Variants in SF3B3 observed in about 807,000 individuals in gnomAD.
SF3B3 encodes SAP 130.
In SF3B3, 33 loss-of-function variants were observed where a neutral mutation model predicts 139.2. The observed-to-expected ratio is 0.24, with a 90% CI of 0.18 to 0.32. The LOEUF is 0.32. Ranked by LOEUF, SF3B3 falls within the 10% of genes least tolerant of loss-of-function variation. SF3B3 has a pLI of 1.00. For missense variants in SF3B3, 818 were observed against 1,509.4 expected (o/e 0.54, Z 7.59); for synonymous variants, 596 against 563.6 (o/e 1.06, Z -0.81).
rs573483470 is a variant in SF3B3, at chr16:70,556,250, T to C, written c.1782T>C (p.Asn594=). 8.1e-6 allele frequency: 13 copies of C among 1,614,168 alleles called. No individual in the cohort carries two copies. The highest frequency in any genetic ancestry group is 6.6e-5 in the South Asian group (6 of 91,084). ...SADVVCMSLA[N]VPPGEQRSRF... is the part of the protein sequence containing the mutation. ...ATGTGGTGTGCATGAGTCTGGCCAATGTACCCCCTGGAGAGCAGCGGTCTC... is the reference window on the plus strand; with the variant it reads ...ATGTGGTGTGCATGAGTCTGGCCAACGTACCCCCTGGAGAGCAGCGGTCTC... Residue 594 remains asparagine (N), a synonymous_variant, in exon 14 of 26, where the codon AAT becomes AAC. Coordinates refer to ENST00000302516, the MANE Select transcript of SF3B3 (RefSeq NM_012426.5).
At chr16:70,547,773 G>T (rs2050282841) in intron 10 of SF3B3, among the ~76,000 whole-genome samples, 1 of 152,072 alleles carries the variant, frequency 6.6e-6, no homozygotes, top group Non-Finnish European at 1.5e-5. Context: ...TTATATTTTT[G>T]CAGAGACGGG....
intron 8 of SF3B3, among the ~76,000 whole-genome samples, chr16:70,540,207 C>A (rs1174099814): frequency 6.6e-6 from 1 of 150,598 alleles, no homozygotes; most frequent in East Asian, 2.1e-4. Context: ...CCAGCCTGAC[C>A]AACATGGAGA....
At chr16:70,550,663 G>T (rs2050315566) in intron 11 of SF3B3, 1 of 985,598 alleles carries the variant, frequency 1.0e-6, no homozygotes, top group East Asian at 1.1e-4. Context: ...GCTGGTGAAG[G>T]TGCTGATCAC....
chr16:70,558,602 A>T (rs1326203355), intron 15 of SF3B3, among the ~76,000 whole-genome samples: 1 of 152,116 alleles, frequency 6.6e-6, no homozygotes, highest in African/African-American at 2.4e-5. Context: ...TATTTAAAAA[A>T]AATTTCTTCC....
chr16:70,543,243 A>G (rs1230717875), intron 9 of SF3B3, among the ~76,000 whole-genome samples: 3 of 151,144 alleles, frequency 2.0e-5, no homozygotes, highest in Non-Finnish European at 2.9e-5. Context: ...CCCTGTCTCT[A>G]CTAAAAGAAA....
At chr16:70,569,631 A>C (rs2050509592) in intron 23 of SF3B3, among the ~76,000 whole-genome samples, 1 of 152,062 alleles carries the variant, frequency 6.6e-6, no homozygotes, top group Admixed American at 6.6e-5. Context: ...TAATTTTTGG[A>C]TTTATTGTTT....
Position 70,572,032 on chromosome 16 carries a change from A to C in SF3B3, c.*219A>C. On this transcript the variant is annotated 3_prime_UTR_variant, in exon 26 of 26. Coordinates refer to ENST00000302516, the MANE Select transcript of SF3B3 (RefSeq NM_012426.5). ...TGCTACACTTCTCCCCACCTGGTAC[A>C]TGATACATGACCCCAGGTTCCAGTG... The C allele has an allele frequency of 1.5e-6, 1 of 674,038 alleles. No homozygotes were observed. Among genetic ancestry groups the C allele is most frequent in the South Asian group, 1.5e-5 (1 of 65,384 alleles). The allele number at this position is 674,038 out of a possible 1,614,324, so 41.8% of individuals were successfully genotyped here. A position where few individuals can be genotyped will look rare whatever the true frequency, so the allele number is the denominator to read the frequency against.
chr16:70,527,213 G>C (rs1485071271), intron 2 of SF3B3, among the ~76,000 whole-genome samples: 2 of 152,232 alleles, frequency 1.3e-5, no homozygotes, highest in African/African-American at 4.8e-5. Context: ...CATAGAAACA[G>C]ATAATTTGCT....
chr16:70,525,573 C>A (rs769325118), intron 1 of SF3B3, among the ~76,000 whole-genome samples: 3 of 152,168 alleles, frequency 2.0e-5, no homozygotes, highest in African/African-American at 4.8e-5. Context: ...CTCCTAGCTT[C>A]CTCTCTTTTG....
At position 70,528,966 on chromosome 16, in the gene SF3B3, C is replaced by T. The variant is rs2050093880; in HGVS notation, c.164C>T (p.Thr55Ile). The T allele has an allele frequency of 6.2e-7, 1 of 1,613,980 alleles. No homozygotes were observed. The highest frequency in any genetic ancestry group is 8.5e-7 in the Non-Finnish European group (1 of 1,179,956). Reference protein sequence around the residue: ...PNTGKVHTLLTVEVFGVIRSL... With the variant: ...PNTGKVHTLLIVEVFGVIRSL... ...ACTGGCAAAGTACATACCCTACTCA[C>T]TGTGGAAGTATTCGGTGTTATCCGG... Residue 55 changes from threonine (T) to isoleucine (I), a missense_variant, in exon 3 of 26, where the codon ACT becomes ATT. Around this residue, in one of 14 missense-constraint regions of SF3B3, gnomAD observed 144 missense variants for 259.2 expected, o/e 0.56. Coordinates refer to ENST00000302516, the MANE Select transcript of SF3B3 (RefSeq NM_012426.5).
chr16:70,549,616 TAAAC>T (rs913221708), intron 11 of SF3B3, among the ~76,000 whole-genome samples: 1 of 152,226 alleles, frequency 6.6e-6, no homozygotes, highest in Non-Finnish European at 1.5e-5. Context: ...ACTTTTTAAA[TAAAC>T]TTTTTATTTT....
At chr16:70,562,624 T>A (rs1363041066) in intron 17 of SF3B3, among the ~76,000 whole-genome samples, 1 of 152,192 alleles carries the variant, frequency 6.6e-6, no homozygotes, top group Admixed American at 6.5e-5. Flanking sequence ...AGTGTTCCCC[T>A]TGTCTTTTAA....
At chr16:70,533,775 G>A (rs1051046461) in intron 5 of SF3B3, among the ~76,000 whole-genome samples, 4 of 152,260 alleles carry the variant, frequency 2.6e-5, no homozygotes, top group Middle Eastern at 3.4e-3. Context: ...GGAAGATACT[G>A]GAGAATAAAA....
intron 13 of SF3B3, among the ~76,000 whole-genome samples, chr16:70,555,625 C>G (rs961261228): frequency 5.9e-5 from 9 of 152,194 alleles, no homozygotes; most frequent in African/African-American, 2.2e-4. Flanking sequence ...AACACTTGCT[C>G]CTCCTGCATT....
chr16:70,538,642 A>G (rs1426605323), intron 7 of SF3B3, among the ~76,000 whole-genome samples, 182 bp downstream of exon 7: 1 of 152,238 alleles, frequency 6.6e-6, no homozygotes, highest in African/African-American at 2.4e-5. Context: ...CATACAATAT[A>G]AGAGCGGCAA....
chr16:70,554,403 TA>T, intron 11 of SF3B3, 42 bp from the exon 12 acceptor site: 1 of 1,591,730 alleles, frequency 6.3e-7, no homozygotes, highest in Non-Finnish European at 8.6e-7. Context: ...TTTGTAATTC[TA>T]ATGAGTTCTT....
intron 13 of SF3B3, 75 bp from the exon 14 acceptor site, chr16:70,556,104 G>C: frequency 6.8e-7 from 1 of 1,469,912 alleles, no homozygotes; most frequent in Non-Finnish European, 9.4e-7. Flanking sequence ...TCTGGATCCA[G>C]GGTTTTGGGG....
chr16:70,569,993 T>G lies in SF3B3; in HGVS notation c.3265-13T>G. Reference sequence around the variant, plus strand: ...AGGGTGCACACAGTCACTAGTCTGTTTGTGACTCACAGGCAGAGGTGATCA... The same window carrying G: ...AGGGTGCACACAGTCACTAGTCTGTGTGTGACTCACAGGCAGAGGTGATCA... On this transcript the variant is annotated splice_polypyrimidine_tract_variant and intron_variant, in intron 23 of 25. Transcript: ENST00000302516. The G allele has an allele frequency of 6.2e-7, 1 of 1,613,822 alleles. No individual in the cohort carries two copies. Among genetic ancestry groups the G allele is most frequent in the East Asian group, 2.2e-5 (1 of 44,880 alleles).
At position 70,545,685 on chromosome 16, in the gene SF3B3, T is replaced by C. The variant is rs8056474; in HGVS notation, c.1329+1152T>C. ...TTATTGGAACACGCCCAAGATAATC[T>C]GGGTTTTGAATTCTGGCTCTACCAC... On this transcript the variant is annotated intron_variant, in intron 10 of 25. Coordinates refer to ENST00000302516, the MANE Select transcript of SF3B3 (RefSeq NM_012426.5). Among the ~76,000 whole-genome samples the C allele has an allele frequency of 3.1e-3, 479 of 152,322 alleles. 3 individuals are homozygous for C. The highest frequency in any genetic ancestry group is 0.01 in the African/African-American group (418 of 41,574).
Sources: gnomAD v4.1 joint callset for allele counts (sites outside exome capture counted in the v4.1 genomes callset) on GRCh38, gnomAD v4.1.1 for gene constraint, gnomAD v4.1.1 regional missense constraint, MANE v1.5 for transcripts, NCBI Gene and HGNC (gene_info 2026-07-23, HGNC 2026-07-21) for gene names.